The following SPAG6 variants were observed in gnomAD, a reference collection of about 807,000 sequenced individuals.
SPAG6 encodes sperm-associated antigen 6.
A neutral mutation model predicts 58.5 loss-of-function variants in SPAG6; 49 were observed. The observed-to-expected ratio is 0.84, with a 90% CI of 0.67 to 1.06. SPAG6 has a LOEUF of 1.06. Ranked by LOEUF, SPAG6 falls within the 50% of genes least tolerant of loss-of-function variation. SPAG6 has a pLI of 0.00. For missense variants in SPAG6, 560 were observed against 611.3 expected, an observed-to-expected ratio of 0.92 and a Z score of 0.89; for synonymous variants, 233 against 225.6, an observed-to-expected ratio of 1.03 and a Z score of -0.29.
chr10:22,366,970 C>G (rs545238109), intron 3 of SPAG6, among the ~76,000 whole-genome samples: 1 of 151,550 alleles, frequency 6.6e-6, no homozygotes, highest in African/African-American at 2.4e-5. Flanking sequence ...GAGATTTAAT[C>G]TCCTCTTTAT....
intron 4 of SPAG6, among the ~76,000 whole-genome samples, chr10:22,377,802 C>T (rs921642100): frequency 2.6e-5 from 4 of 152,092 alleles, no homozygotes; most frequent in African/African-American, 7.2e-5. Flanking sequence ...CTAGAGAATC[C>T]CATCAGGGTA....
rs1483438071 is a variant in SPAG6, at chr10:22,416,976, G to A, written c.*288G>A. Reference sequence around the variant, plus strand: ...ATTCTGTTAAAAACCACACACACTCGTACATGCAGACACCTCCAATGAGAT... The same window carrying A: ...ATTCTGTTAAAAACCACACACACTCATACATGCAGACACCTCCAATGAGAT... On this transcript the variant is annotated 3_prime_UTR_variant, in exon 11 of 11. Transcript: ENST00000376624. 2.0e-5 allele frequency: 5 copies of A among 249,056 alleles called. No individual in the cohort carries two copies. The highest frequency in any genetic ancestry group is 2.4e-5 in the Non-Finnish European group (3 of 126,510). The allele number at this position is 249,056 out of a possible 1,614,324, so 15.4% of individuals were successfully genotyped here.
intron 2 of SPAG6, among the ~76,000 whole-genome samples, chr10:22,357,895 C>T (rs1836912284): frequency 6.6e-6 from 1 of 151,996 alleles, no homozygotes; most frequent in South Asian, 2.1e-4. Flanking sequence ...TCATCCATGT[C>T]CCTACAAAGG....
At chr10:22,360,933 G>T (rs575301215) in intron 2 of SPAG6, 2 of 825,170 alleles carry the variant, frequency 2.4e-6, no homozygotes, top group South Asian at 3.0e-5. Context: ...TTTTTATGCA[G>T]TTTCCTTGCA....
At chr10:22,346,734 A>T (rs1383954516) in intron 2 of SPAG6, among the ~76,000 whole-genome samples, 2 of 152,078 alleles carry the variant, frequency 1.3e-5, no homozygotes, top group Non-Finnish European at 2.9e-5. Context: ...CTTTGAGGGG[A>T]ATTACTACTG....
intron 4 of SPAG6, among the ~76,000 whole-genome samples, chr10:22,376,882 C>G (rs1009203006): frequency 6.6e-6 from 1 of 151,556 alleles, no homozygotes; most frequent in African/African-American, 2.4e-5. Flanking sequence ...GCCGGGAGTT[C>G]AAGACTAGCC....
chr10:22,391,837 C>T lies in SPAG6; in HGVS notation c.1114C>T (p.Arg372Trp), dbSNP rs1436346016. The T allele has an allele frequency of 4.3e-6, 7 of 1,613,488 alleles. No homozygotes were observed. The highest frequency in any genetic ancestry group is 5.9e-6 in the Non-Finnish European group (7 of 1,179,674). Residue 372 changes from arginine to tryptophan, a missense_variant, in exon 8 of 11, where the codon CGG becomes TGG. By Grantham distance (101) the Arg-to-Trp change is moderately radical. Coordinates refer to ENST00000376624, the MANE Select transcript of SPAG6 (RefSeq NM_012443.4). ...TGGAAGACACACTCCTGAACACGCA[C>T]GGGCTGTTGCAGTCACAAATACTTT... ...QIGRHTPEHA[R>W]AVAVTNTLPV...
At chr10:22,359,397 GA>G in intron 2 of SPAG6, 1 of 340,370 alleles carries the variant, frequency 2.9e-6, no homozygotes. Flanking sequence ...ATAAATTTAT[GA>G]TTTTTTTTTG....
chr10:22,405,948 A>G (rs1365112263), intron 9 of SPAG6, among the ~76,000 whole-genome samples: 1 of 152,052 alleles, frequency 6.6e-6, no homozygotes, highest in Admixed American at 6.6e-5. Flanking sequence ...GTATTCTCTG[A>G]TGGTAGTTTG....
At chr10:22,372,448 C>G (rs1008262165) in intron 4 of SPAG6, among the ~76,000 whole-genome samples, 8 of 152,186 alleles carry the variant, frequency 5.3e-5, no homozygotes, top group African/African-American at 1.9e-4. Flanking sequence ...GTGGGATTCC[C>G]CAGCCGCCGG....
chr10:22,411,411 A>G (rs1293132517), intron 10 of SPAG6: 1 of 385,566 alleles, frequency 2.6e-6, no homozygotes, highest in Non-Finnish European at 4.6e-6. Context: ...GTACTAATTT[A>G]ACATGTGCTT....
chr10:22,416,506 G>A (rs1588572184), intron 10 of SPAG6, 113 bp from the exon 11 acceptor site: 1 of 660,006 alleles, frequency 1.5e-6, no homozygotes, highest in East Asian at 2.6e-5. Flanking sequence ...TATTCAGAGT[G>A]TATTTGAGAT....
chr10:22,373,612 G>T (rs1377039447), intron 4 of SPAG6, among the ~76,000 whole-genome samples: 1 of 152,134 alleles, frequency 6.6e-6, no homozygotes, highest in Non-Finnish European at 1.5e-5. Context: ...TGGGGAGAAG[G>T]GACTACAACC....
intron 8 of SPAG6, among the ~76,000 whole-genome samples, chr10:22,394,902 G>A (rs1588551209): frequency 6.6e-6 from 1 of 151,878 alleles, no homozygotes; most frequent in South Asian, 2.1e-4. Context: ...GGAGAGACAG[G>A]GTCTCACTGT....
At chr10:22,377,963 A>G (rs1833856573) in intron 4 of SPAG6, among the ~76,000 whole-genome samples, 1 of 149,564 alleles carries the variant, frequency 6.7e-6, no homozygotes, top group Non-Finnish European at 1.5e-5. Context: ...AACTGTTTCT[A>G]TTATTTATTT....
At chr10:22,377,776 C>T (rs1833851971) in intron 4 of SPAG6, among the ~76,000 whole-genome samples, 1 of 152,146 alleles carries the variant, frequency 6.6e-6, no homozygotes, top group Non-Finnish European at 1.5e-5. Flanking sequence ...TTTCTGTTTT[C>T]TCTCCTTTAC....
At position 22,387,873 on chromosome 10, in the gene SPAG6, G is replaced by T; in HGVS notation, c.729G>T (p.Leu243=). Residue 243 remains leucine, a synonymous_variant, in exon 6 of 11, where the codon CTG becomes CTT. Coordinates refer to ENST00000376624, the MANE Select transcript of SPAG6 (RefSeq NM_012443.4). ...LSQVSKHSVD[L]AEMVVEAEIF... ...AGGTTTCAAAACATTCCGTGGATCTGGCAGAAATGGTTGTTGAAGCAGAGA... is the reference window on the plus strand; with the variant it reads ...AGGTTTCAAAACATTCCGTGGATCTTGCAGAAATGGTTGTTGAAGCAGAGA... 1 of 1,613,266 alleles carries T rather than the reference G, an allele frequency of 6.2e-7. No individual in the cohort carries two copies.
chr10:22,372,264 T>G (rs1833716430), intron 4 of SPAG6, among the ~76,000 whole-genome samples: 2 of 152,210 alleles, frequency 1.3e-5, no homozygotes, highest in Non-Finnish European at 2.9e-5. Flanking sequence ...TTGTATAAAT[T>G]TAAGGGGCAC....
Position 22,411,100 on chromosome 10 carries a change from A to T in SPAG6, c.1384A>T (p.Ile462Leu). The change falls in exon 10 of 11, where the codon ATA becomes TTA. Residue 462 changes from isoleucine (I) to leucine (L), a missense_variant. Transcript: ENST00000376624. ...TSGGLKKVQE[I>L]KAEPGSLLQE... The stretch of plus-strand genomic sequence containing the variant: ...TGGTGGCCTTAAAAAAGTTCAAGAG[A>T]TAAAAGCAGAACCTGGTTCTCTCCT... 6.2e-7 allele frequency: 1 copy of T among 1,614,134 alleles called. No individual in the cohort carries two copies. Among genetic ancestry groups the T allele is most frequent in the Admixed American group, 1.7e-5 (1 of 60,018 alleles).
Sources: gnomAD v4.1 joint callset for allele counts (sites outside exome capture counted in the v4.1 genomes callset) on GRCh38, gnomAD v4.1.1 for gene constraint, MANE v1.5 for transcripts, NCBI Gene and HGNC (gene_info 2026-07-23, HGNC 2026-07-21) for gene names.